RHBDL2: variants seen among roughly 807,000 people sequenced by gnomAD.
The protein encoded by RHBDL2 is rhomboid-related protein 2.
In RHBDL2, 26 loss-of-function variants were observed where a neutral mutation model predicts 31.7. The observed-to-expected ratio is 0.82, with a 90% CI of 0.60 to 1.14. RHBDL2 has a LOEUF of 1.14. Ranked by LOEUF, RHBDL2 falls within the 50% of genes most tolerant of loss-of-function variation. The pLI is 0.00. For synonymous variants in RHBDL2, 123 were observed against 127.2 expected, an observed-to-expected ratio of 0.97 and a Z score of 0.22; for missense variants, 336 against 364.4, an observed-to-expected ratio of 0.92 and a Z score of 0.63.
At chr1:38,911,003 T>C (rs1029220774) in intron 4 of RHBDL2, among the ~76,000 whole-genome samples, 76 of 151,992 alleles carry the variant, frequency 5.0e-4, no homozygotes, top group Non-Finnish European at 8.5e-4. Flanking sequence ...GGTCTCGAAC[T>C]CCTGGCCTCG....
chr1:38,902,456 G>T (rs529816668), intron 4 of RHBDL2, among the ~76,000 whole-genome samples: 20 of 134,402 alleles, frequency 1.5e-4, no homozygotes, highest in Non-Finnish European at 2.7e-4. Flanking sequence ...GTCTCGCTTT[G>T]TCACCCAGGC....
chr1:38,938,445 C>T (rs1047622789), intron 1 of RHBDL2, among the ~76,000 whole-genome samples: 2 of 152,058 alleles, frequency 1.3e-5, no homozygotes, highest in South Asian at 2.1e-4. Flanking sequence ...CCCAAATATA[C>T]CCTATGCCCC....
At chr1:38,939,631 C>G (rs543763664) in intron 1 of RHBDL2, among the ~76,000 whole-genome samples, 14 of 152,188 alleles carry the variant, frequency 9.2e-5, no homozygotes, top group African/African-American at 3.4e-4. Context: ...CCAGCCTGGG[C>G]CACAGAGTGA....
chr1:38,924,704 A>G (rs571481940), intron 1 of RHBDL2, among the ~76,000 whole-genome samples: 22 of 152,122 alleles, frequency 1.4e-4, no homozygotes, highest in Non-Finnish European at 1.6e-4. Context: ...AAGACTTGAA[A>G]GGGCAGGACT....
At chr1:38,887,826 C>CTA (rs1464285854) in intron 7 of RHBDL2, 137 bp downstream of exon 7, 13 of 617,732 alleles carry the variant, frequency 2.1e-5, no homozygotes, top group Non-Finnish European at 3.5e-5. Flanking sequence ...ATTCAAAAGT[C>CTA]TGATTTCCTT....
chr1:38,934,347 A>AAAAT (rs1209478073), intron 1 of RHBDL2, among the ~76,000 whole-genome samples: 7 of 151,484 alleles, frequency 4.6e-5, no homozygotes, highest in Non-Finnish European at 8.8e-5. Context: ...GACTGTCTCA[A>AAAAT]AAATAAATAA....
At chr1:38,909,192 G>A (rs1643109561) in intron 4 of RHBDL2, among the ~76,000 whole-genome samples, 1 of 152,100 alleles carries the variant, frequency 6.6e-6, no homozygotes, top group Non-Finnish European at 1.5e-5. Context: ...AGTCAGGGTG[G>A]TATTGGAAAA....
chr1:38,934,086 G>A (rs1007893901), intron 1 of RHBDL2, among the ~76,000 whole-genome samples: 1 of 152,074 alleles, frequency 6.6e-6, no homozygotes, highest in Non-Finnish European at 1.5e-5. Flanking sequence ...GGTGGCTGAC[G>A]CATATAATCC....
At chr1:38,889,309 G>A (rs770932163) in intron 6 of RHBDL2, among the ~76,000 whole-genome samples, 6 of 151,996 alleles carry the variant, frequency 3.9e-5, no homozygotes, top group Non-Finnish European at 7.4e-5. Flanking sequence ...GACAAGGCTG[G>A]TCTCCAACTC....
chr1:38,914,486 T>A lies in RHBDL2; in HGVS notation c.395+1076A>T, dbSNP rs1643201701. 6.6e-5 allele frequency among the ~76,000 whole-genome samples: 10 copies of A among 151,784 alleles called. No individual in the cohort carries two copies. In the South Asian group the frequency reaches 2.1e-3, roughly 32 times the overall value. Reference sequence around the variant, plus strand: ...TGAACTCCTGACCTCAGGTGATCTATCCACCTCAGCCTCCCAAAGTGCTGG... The same window carrying A: ...TGAACTCCTGACCTCAGGTGATCTAACCACCTCAGCCTCCCAAAGTGCTGG... On this transcript the variant is annotated intron_variant, in intron 3 of 7. Transcript: ENST00000372990.
intron 1 of RHBDL2, among the ~76,000 whole-genome samples, chr1:38,920,720 C>G (rs1274447704): frequency 6.6e-6 from 1 of 151,374 alleles, no homozygotes. Context: ...CATTTTCCTG[C>G]CTCAACCTCC....
intron 1 of RHBDL2, among the ~76,000 whole-genome samples, chr1:38,933,948 A>G (rs1321474827): frequency 6.6e-6 from 1 of 151,972 alleles, no homozygotes. Context: ...GGCTGGTCTC[A>G]AAATCCTGAC....
chr1:38,927,283 C>T (rs567238164), intron 1 of RHBDL2, among the ~76,000 whole-genome samples: 4 of 152,124 alleles, frequency 2.6e-5, no homozygotes, highest in African/African-American at 9.6e-5. Context: ...AAAAATTAGC[C>T]GGGCGTGGTG....
chr1:38,899,948 C>T (rs897853528), intron 4 of RHBDL2, among the ~76,000 whole-genome samples: 1 of 152,156 alleles, frequency 6.6e-6, no homozygotes, highest in Non-Finnish European at 1.5e-5. Flanking sequence ...TTCTGCCCTG[C>T]GACTTTTCTC....
intron 1 of RHBDL2, among the ~76,000 whole-genome samples, chr1:38,929,220 G>A (rs1407260023): frequency 6.6e-6 from 1 of 152,178 alleles, no homozygotes; most frequent in Non-Finnish European, 1.5e-5. Context: ...TAGACCCTGT[G>A]AATTCCCGAA....
chr1:38,914,892 G>C (rs1393511058), intron 3 of RHBDL2, among the ~76,000 whole-genome samples: 1 of 151,262 alleles, frequency 6.6e-6, no homozygotes, highest in East Asian at 2.1e-4. Context: ...AGCCCGGCCT[G>C]GTGGCAGGTG....
At position 38,886,389 on chromosome 1, in the gene RHBDL2, CTA is replaced by C. The variant is rs1198456902; in HGVS notation, c.*113_*114del. On this transcript the variant is annotated 3_prime_UTR_variant, in exon 8 of 8. Coordinates refer to ENST00000372990, the MANE Select transcript of RHBDL2 (RefSeq NM_017821.5). Reference sequence around the variant, plus strand: ...GATGAGTTTAATGCTGTTTTGTCCTCTATATAAAATTGTTAGCCTTTTCTGAG... The same window carrying C: ...GATGAGTTTAATGCTGTTTTGTCCTCTATAAAATTGTTAGCCTTTTCTGAG... 2 of 710,314 alleles carry C rather than the reference CTA, an allele frequency of 2.8e-6. No homozygotes were observed. The highest frequency in any genetic ancestry group is 4.3e-6 in the Non-Finnish European group (2 of 469,720). The allele number at this position is 710,314 out of a possible 1,614,324, so 44.0% of individuals were successfully genotyped here. A position where few individuals can be genotyped will look rare whatever the true frequency, so the allele number is the denominator to read the frequency against.
chr1:38,902,631 G>A (rs906749673), intron 4 of RHBDL2, among the ~76,000 whole-genome samples: 2 of 151,524 alleles, frequency 1.3e-5, no homozygotes, highest in South Asian at 2.1e-4. Context: ...CATGTTGGTC[G>A]GGCTGGTCTC....
chr1:38,919,265 G>A lies in RHBDL2; in HGVS notation c.-53C>T. On this transcript the variant is annotated 5_prime_UTR_variant, in exon 2 of 8. Coordinates refer to ENST00000372990, the MANE Select transcript of RHBDL2 (RefSeq NM_017821.5). ...AGGACATGAATCCCAGGGAACAGCA[G>A]GTGGCCCTAGGTCCTCAGGCTGCCG... 6.2e-7 allele frequency: 1 copy of A among 1,613,086 alleles called. No homozygotes were observed. The highest frequency in any genetic ancestry group is 8.5e-7 in the Non-Finnish European group (1 of 1,179,906).
Sources: allele counts gnomAD v4.1 joint callset (sites outside exome capture counted in the v4.1 genomes callset), GRCh38; gene constraint gnomAD v4.1.1; transcripts MANE v1.5; gene names NCBI Gene and HGNC (gene_info 2026-07-23, HGNC 2026-07-21).